Variants in TLK1 observed in about 807,000 individuals in gnomAD.
TLK1 encodes the protein tousled like kinase 1.
Under a neutral mutation model 105.3 loss-of-function variants are expected in TLK1, and 24 were observed. That is an observed-to-expected ratio of 0.23 (90% CI 0.17 to 0.32). TLK1 has a LOEUF of 0.32. Among genes scored for constraint, TLK1 ranks in the 10% least tolerant of loss-of-function variants. The probability of loss-of-function intolerance (pLI) is 1.00; values close to 1 mark genes in which losing one functional copy is unlikely to be tolerated. For synonymous variants in TLK1, 321 were observed against 310.4 expected, an observed-to-expected ratio of 1.03 and a Z score of -0.36; for missense variants, 558 against 910.5, an observed-to-expected ratio of 0.61 and a Z score of 4.98.
At chr2:171,016,052 T>A (rs1374995163) in intron 12 of TLK1, among the ~76,000 whole-genome samples, 1 of 151,904 alleles carries the variant, frequency 6.6e-6, no homozygotes, top group African/African-American at 2.4e-5. Flanking sequence ...CACTTCAGCC[T>A]GGGCAACAAG....
At chr2:171,010,378 T>C (rs552432626) in intron 14 of TLK1, among the ~76,000 whole-genome samples, 1 of 152,310 alleles carries the variant, frequency 6.6e-6, no homozygotes, top group Admixed American at 6.5e-5. Flanking sequence ...AGATAACTTC[T>C]ATTTCAAATG....
At chr2:171,028,448 C>A in intron 11 of TLK1, 43 bp from the exon 12 acceptor site, 1 of 1,301,626 alleles carries the variant, frequency 7.7e-7, no homozygotes, top group Non-Finnish European at 1.1e-6. Context: ...GAGATTAATA[C>A]TTAGTTTATT....
At chr2:171,167,771 G>A (rs1183830372) in intron 1 of TLK1, among the ~76,000 whole-genome samples, 1 of 151,974 alleles carries the variant, frequency 6.6e-6, no homozygotes, top group Non-Finnish European at 1.5e-5. Flanking sequence ...TTAAATAATT[G>A]TAACCAACTT....
chr2:171,116,698 A>C (rs1690446173), intron 2 of TLK1, among the ~76,000 whole-genome samples: 3 of 54,462 alleles, frequency 5.5e-5, no homozygotes, highest in East Asian at 4.5e-4. Context: ...AGACTCCCTC[A>C]AAAAAAAAAA....
intron 1 of TLK1, among the ~76,000 whole-genome samples, chr2:171,187,890 T>C (rs1693065391): frequency 6.6e-6 from 1 of 152,172 alleles, no homozygotes; most frequent in South Asian, 2.1e-4. Flanking sequence ...GAGATTTAAT[T>C]ATATACCAAT....
chr2:171,069,469 G>C lies in TLK1; in HGVS notation c.331-8313C>G, dbSNP rs2555918. On this transcript the variant is annotated intron_variant, in intron 3 of 20. Coordinates refer to ENST00000431350, the MANE Select transcript of TLK1 (RefSeq NM_012290.5). ...GAGAGATGGTATTTGGCAATACCTA[G>C]AGGCATTTTTGGTTGACGCACTGAG... Among the ~76,000 whole-genome samples the C allele has an allele frequency of 8.4e-3, 1,286 of 152,290 alleles. 14 individuals are homozygous for C. Among genetic ancestry groups the C allele is most frequent in the African/African-American group, 0.03 (1,230 of 41,552 alleles).
At chr2:171,088,570 A>G (rs1186137634) in intron 2 of TLK1, among the ~76,000 whole-genome samples, 1 of 152,240 alleles carries the variant, frequency 6.6e-6, no homozygotes, top group Non-Finnish European at 1.5e-5. Context: ...TTCAAATTCT[A>G]GAGACAAACA....
chr2:170,996,730 T>TAGA lies in TLK1; in HGVS notation c.2046_2047insTCT (p.Asp682_Ile683insSer). ...TTTAATATTGTATTTTCTTGAAGAATGTCTTGTTGAGATTGATTGTGACCA... is the reference window on the plus strand; with the variant it reads ...TTTAATATTGTATTTTCTTGAAGAATAGAGTCTTGTTGAGATTGATTGTGACCA... On this transcript the variant is annotated inframe_insertion, in exon 20 of 21. Coordinates refer to ENST00000431350, the MANE Select transcript of TLK1 (RefSeq NM_012290.5). 6.2e-7 allele frequency: 1 copy of TAGA among 1,613,532 alleles called. No individual in the cohort carries two copies.
At chr2:171,162,583 T>G (rs1692532816), upstream of TLK1, among the ~76,000 whole-genome samples, 1 of 152,148 alleles carries the variant, frequency 6.6e-6, no homozygotes, top group African/African-American at 2.4e-5. Flanking sequence ...TGATAAGTTT[T>G]GATGTGTATA....
chr2:171,009,462 CCTAG>C (rs1684806606), intron 14 of TLK1, among the ~76,000 whole-genome samples: 1 of 151,928 alleles, frequency 6.6e-6, no homozygotes, highest in Non-Finnish European at 1.5e-5. Flanking sequence ...TGCCATCATG[CCTAG>C]CTAATTTTTT....
At chr2:171,023,211 G>A (rs1685608843) in intron 12 of TLK1, 2 of 469,640 alleles carry the variant, frequency 4.3e-6, no homozygotes, top group East Asian at 1.4e-4. Flanking sequence ...GGTGTCAGGT[G>A]GCATGTTGGA....
intron 1 of TLK1, among the ~76,000 whole-genome samples, chr2:171,190,041 T>A (rs1693114995): frequency 6.6e-6 from 1 of 152,232 alleles, no homozygotes; most frequent in Non-Finnish European, 1.5e-5. Context: ...GGCAATATGT[T>A]CACAAGGTCA....
intron 11 of TLK1, among the ~76,000 whole-genome samples, chr2:171,044,864 C>G (rs1686869763): frequency 6.6e-6 from 1 of 152,018 alleles, no homozygotes; most frequent in East Asian, 1.9e-4. Flanking sequence ...GTTAAAGACC[C>G]AAATGTTACA....
At chr2:171,080,722 T>TTA (rs1326592227) in intron 3 of TLK1, among the ~76,000 whole-genome samples, 1 of 151,860 alleles carries the variant, frequency 6.6e-6, no homozygotes, top group East Asian at 1.9e-4. Flanking sequence ...TTTTTTTTTT[T>TTA]CTTAAGACAG....
chr2:171,230,202 C>G (rs1216436054), intron 1 of TLK1, among the ~76,000 whole-genome samples: 2 of 152,104 alleles, frequency 1.3e-5, no homozygotes, highest in African/African-American at 4.8e-5. Context: ...AAAGACTTTG[C>G]AATTGAAGCC....
chr2:171,119,399 T>C (rs1488517450), intron 1 of TLK1, among the ~76,000 whole-genome samples: 2 of 152,218 alleles, frequency 1.3e-5, no homozygotes, highest in Admixed American at 1.3e-4. Flanking sequence ...ATATTCCCCA[T>C]GGCCTTCTGT....
chr2:171,055,257 A>T (rs1050651793), intron 6 of TLK1, 85 bp from the exon 7 acceptor site: 1 of 805,658 alleles, frequency 1.2e-6, no homozygotes, highest in Non-Finnish European at 1.8e-6. Flanking sequence ...AGCAACAATT[A>T]CTTAACATTT....
At chr2:171,028,634 CTT>C (rs1685891827) in intron 11 of TLK1, among the ~76,000 whole-genome samples, 1 of 151,344 alleles carries the variant, frequency 6.6e-6, no homozygotes. Flanking sequence ...GCCAAAAATC[CTT>C]TGAGATATTC....
intron 1 of TLK1, among the ~76,000 whole-genome samples, chr2:171,203,167 A>T (rs1242407879): frequency 6.6e-6 from 1 of 152,198 alleles, no homozygotes; most frequent in African/African-American, 2.4e-5. Context: ...CATAATTTTT[A>T]AAAAATGTTT....
Sources: gnomAD v4.1 joint callset for allele counts (sites outside exome capture counted in the v4.1 genomes callset) on GRCh38, gnomAD v4.1.1 for gene constraint, MANE v1.5 for transcripts, NCBI Gene and HGNC (gene_info 2026-07-23, HGNC 2026-07-21) for gene names.